CNTNAP2: variants seen among roughly 807,000 people sequenced by gnomAD.
CNTNAP2 encodes contactin associated protein 2, also known as contactin-associated protein-like 2.
A neutral mutation model predicts 155.2 loss-of-function variants in CNTNAP2; 98 were observed. The ratio of observed to expected loss-of-function variants is 0.63; its 90% CI spans 0.54 to 0.75. The LOEUF is 0.75. Among genes scored for constraint, CNTNAP2 ranks in the 30% least tolerant of loss-of-function variants. CNTNAP2 has a pLI of 0.00. For missense variants in CNTNAP2, 1,727 were observed against 1,688.1 expected, an observed-to-expected ratio of 1.02 and a Z score of -0.40; for synonymous variants, 651 against 631.2, an observed-to-expected ratio of 1.03 and a Z score of -0.47.
In CNTNAP2 at chr7:148,415,412, G is replaced by C. The variant is rs745770134; in HGVS notation, c.3797-5G>C. On this transcript the variant is annotated splice_region_variant and splice_polypyrimidine_tract_variant and intron_variant, in intron 23 of 23. Coordinates refer to ENST00000361727, the MANE Select transcript of CNTNAP2 (RefSeq NM_014141.6). ...AACCTCTCGTGCTTCTCCTTTCTCC[G>C]TCAGGCGTCATTGCTGTGGTGATTT... 6.2e-7 allele frequency: 1 copy of C among 1,613,016 alleles called. No homozygotes were observed. The highest frequency in any genetic ancestry group is 8.5e-7 in the Non-Finnish European group (1 of 1,180,030).
intron 8 of CNTNAP2, among the ~76,000 whole-genome samples, chr7:147,214,561 C>G (rs903491052): frequency 2.0e-5 from 3 of 151,996 alleles, no homozygotes; most frequent in African/African-American, 7.3e-5. Context: ...AGATGGTTTG[C>G]TTATATCTCA....
At chr7:147,336,748 C>T (rs980180516) in intron 9 of CNTNAP2, among the ~76,000 whole-genome samples, 39 of 152,188 alleles carry the variant, frequency 2.6e-4, no homozygotes, top group African/African-American at 8.9e-4. Context: ...TCTCTGCTCC[C>T]TCAATGCTAG....
intron 3 of CNTNAP2, among the ~76,000 whole-genome samples, chr7:146,929,856 A>G (rs368502754): frequency 7.9e-5 from 12 of 152,258 alleles, no homozygotes; most frequent in African/African-American, 2.2e-4. Flanking sequence ...AAGATGAAAT[A>G]AATGAAATGA....
intron 21 of CNTNAP2, among the ~76,000 whole-genome samples, chr7:148,267,824 A>AT (rs1235876438): frequency 6.6e-6 from 1 of 152,202 alleles, no homozygotes; most frequent in Non-Finnish European, 1.5e-5. Flanking sequence ...AATTTGGTCT[A>AT]TTACAGACCT....
intron 15 of CNTNAP2, among the ~76,000 whole-genome samples, chr7:148,099,228 T>G (rs1387142492): frequency 6.6e-6 from 1 of 152,164 alleles, no homozygotes; most frequent in Admixed American, 6.5e-5. Flanking sequence ...TTAATTGAGA[T>G]AAAACCTGTG....
intron 1 of CNTNAP2, among the ~76,000 whole-genome samples, chr7:146,473,320 C>A (rs1051038824): frequency 6.6e-6 from 1 of 152,116 alleles, no homozygotes; most frequent in East Asian, 1.9e-4. Flanking sequence ...TAGGTGATGT[C>A]TAGGCAGAAT....
At chr7:147,456,503 A>C (rs762041348) in intron 10 of CNTNAP2, among the ~76,000 whole-genome samples, 54 of 152,268 alleles carry the variant, frequency 3.5e-4, no homozygotes, top group Non-Finnish European at 5.0e-4. Flanking sequence ...TCCAAATAAT[A>C]GTTTTTCAAT....
At chr7:146,742,472 T>C (rs1801735864) in intron 1 of CNTNAP2, among the ~76,000 whole-genome samples, 1 of 152,198 alleles carries the variant, frequency 6.6e-6, no homozygotes, top group East Asian at 1.9e-4. Flanking sequence ...TCAATGCCAG[T>C]CCAGAGTGTA....
At chr7:147,243,531 G>A (rs1803989951) in intron 8 of CNTNAP2, among the ~76,000 whole-genome samples, 1 of 151,962 alleles carries the variant, frequency 6.6e-6, no homozygotes, top group Non-Finnish European at 1.5e-5. Flanking sequence ...TTATAATTAT[G>A]GGAAAAGTAA....
chr7:146,282,660 T>G (rs1237863984), intron 1 of CNTNAP2, among the ~76,000 whole-genome samples: 1 of 152,186 alleles, frequency 6.6e-6, no homozygotes, highest in African/African-American at 2.4e-5. Flanking sequence ...TCCTGAGACA[T>G]CTGGAATTTT....
chr7:148,289,019 T>G (rs1189973603), intron 21 of CNTNAP2, among the ~76,000 whole-genome samples: 1 of 148,760 alleles, frequency 6.7e-6, no homozygotes, highest in Non-Finnish European at 1.5e-5. Flanking sequence ...ACAAGAGAAG[T>G]GCAACTCAGG....
chr7:148,269,836 G>A (rs1017600530), intron 21 of CNTNAP2, among the ~76,000 whole-genome samples: 1 of 152,100 alleles, frequency 6.6e-6, no homozygotes, highest in East Asian at 1.9e-4. Context: ...GTACTCCCAC[G>A]GTTCAGTTGA....
At chr7:147,364,036 A>G (rs1796187352) in intron 9 of CNTNAP2, among the ~76,000 whole-genome samples, 1 of 152,212 alleles carries the variant, frequency 6.6e-6, no homozygotes, top group African/African-American at 2.4e-5. Context: ...ATGCTTGTAG[A>G]AAAGAAATGC....
chr7:147,638,841 C>CTTTTTTTTTTTTTTTTTTTTTTTTT, intron 12 of CNTNAP2: 4 of 508,008 alleles, frequency 7.9e-6, no homozygotes, highest in Non-Finnish European at 7.3e-6. Context: ...GATACAAAAG[C>CTTTTTTTTTTTTTTTTTTTTTTTTT]TTTTTTTTTT....
chr7:146,335,902 A>T (rs2129095701), intron 1 of CNTNAP2, among the ~76,000 whole-genome samples: 1 of 152,268 alleles, frequency 6.6e-6, no homozygotes, highest in South Asian at 2.1e-4. Context: ...AAAACATGAT[A>T]TAAAAGTAAA....
chr7:148,180,108 T>C (rs1390857658), intron 18 of CNTNAP2, among the ~76,000 whole-genome samples: 5 of 152,240 alleles, frequency 3.3e-5, no homozygotes, highest in Admixed American at 3.3e-4. Flanking sequence ...TTCACCCCTA[T>C]GTGAAATCAG....
chr7:147,671,604 T>TC (rs202117301), intron 13 of CNTNAP2: 2 of 152,176 alleles, frequency 1.3e-5, no homozygotes, highest in Non-Finnish European at 2.9e-5. Flanking sequence ...TACAGAATGT[T>TC]CCCCAAATTG....
chr7:146,211,885 TATTA>T (rs1057451420), intron 1 of CNTNAP2, among the ~76,000 whole-genome samples: 4 of 152,232 alleles, frequency 2.6e-5, no homozygotes, highest in South Asian at 2.1e-4. Context: ...TTTTTAAGTT[TATTA>T]ATTAAGTATA....
intron 3 of CNTNAP2, among the ~76,000 whole-genome samples, chr7:146,979,695 A>G (rs1295578195): frequency 2.0e-5 from 3 of 152,210 alleles, no homozygotes; most frequent in Non-Finnish European, 2.9e-5. Context: ...AAATACTTCT[A>G]GTTCCCACAA....
Sources: gnomAD v4.1 joint callset for allele counts (sites outside exome capture counted in the v4.1 genomes callset) on GRCh38, gnomAD v4.1.1 for gene constraint, MANE v1.5 for transcripts, NCBI Gene and HGNC (gene_info 2026-07-23, HGNC 2026-07-21) for gene names.